The following HERPUD2 variants were observed in gnomAD, a reference collection of about 807,000 sequenced individuals.
HERPUD2 encodes the protein HERPUD family member 2.
A neutral mutation model predicts 49.9 loss-of-function variants in HERPUD2; 13 were observed. The ratio of observed to expected loss-of-function variants is 0.26; its 90% CI spans 0.17 to 0.41. The LOEUF (loss-of-function observed/expected upper bound fraction) is 0.41. Among genes scored for constraint, HERPUD2 ranks in the 10% least tolerant of loss-of-function variants. The pLI is 1.00. For synonymous variants in HERPUD2, 172 were observed against 171.4 expected (o/e 1.00, Z -0.03); for missense variants, 449 against 492.2 (o/e 0.91, Z 0.83).
chr7:35,666,340 CTATA>C (rs1378631649), intron 5 of HERPUD2, among the ~76,000 whole-genome samples: 1 of 152,182 alleles, frequency 6.6e-6, no homozygotes, highest in Admixed American at 6.5e-5. Flanking sequence ...CTTCTATTTG[CTATA>C]TATTCAGCTT....
intron 5 of HERPUD2, among the ~76,000 whole-genome samples, chr7:35,643,810 T>G (rs1440414373): frequency 6.8e-6 from 1 of 148,006 alleles, no homozygotes; most frequent in Non-Finnish European, 1.5e-5. Context: ...AAAACTAAAC[T>G]AAAAAGAAAA....
chr7:35,660,948 T>C (rs1184560165), intron 5 of HERPUD2, among the ~76,000 whole-genome samples: 1 of 152,256 alleles, frequency 6.6e-6, no homozygotes, highest in Non-Finnish European at 1.5e-5. Flanking sequence ...CATGAAGTCC[T>C]TGCCCATGCC....
intron 5 of HERPUD2, among the ~76,000 whole-genome samples, chr7:35,664,600 T>C (rs1025301148): frequency 2.2e-4 from 34 of 152,198 alleles, no homozygotes; most frequent in Admixed American, 1.8e-3. Context: ...TTTTTACTCT[T>C]TTTTCTCTAA....
At chr7:35,636,979 C>A (rs1784879758) in intron 6 of HERPUD2, among the ~76,000 whole-genome samples, 1 of 152,006 alleles carries the variant, frequency 6.6e-6, no homozygotes, top group South Asian at 2.1e-4. Flanking sequence ...ACTAAAAATA[C>A]AAAAATTACC....
intron 6 of HERPUD2, 124 bp from the exon 7 acceptor site, chr7:35,635,582 G>A: frequency 1.3e-6 from 1 of 766,140 alleles, no homozygotes; most frequent in Non-Finnish European, 2.0e-6. Context: ...CCCAACTCCT[G>A]CACCACATTT....
chr7:35,678,671 C>A (rs530776846), intron 2 of HERPUD2, among the ~76,000 whole-genome samples: 4 of 152,034 alleles, frequency 2.6e-5, no homozygotes, highest in South Asian at 2.1e-4. Context: ...GCCTTCTCTA[C>A]GAGAAAAAAT....
chr7:35,684,362 C>T (rs1299402271), intron 2 of HERPUD2, among the ~76,000 whole-genome samples: 4 of 151,774 alleles, frequency 2.6e-5, no homozygotes, highest in Non-Finnish European at 5.9e-5. Context: ...TGCACTCCAG[C>T]CTGGGTGATG....
chr7:35,657,224 G>C (rs867376038), intron 5 of HERPUD2, among the ~76,000 whole-genome samples: 3 of 152,104 alleles, frequency 2.0e-5, no homozygotes, highest in African/African-American at 7.2e-5. Context: ...TATTTCTCAA[G>C]GAAGACATAC....
chr7:35,656,328 G>T (rs1300920839), intron 5 of HERPUD2, among the ~76,000 whole-genome samples: 1 of 151,790 alleles, frequency 6.6e-6, no homozygotes, highest in African/African-American at 2.4e-5. Flanking sequence ...AAATTGAAGA[G>T]GATATAAACA....
chr7:35,681,658 A>G (rs1785894460), intron 2 of HERPUD2, among the ~76,000 whole-genome samples: 1 of 152,216 alleles, frequency 6.6e-6, no homozygotes, highest in South Asian at 2.1e-4. Context: ...AGCCACAAAA[A>G]GGAATGAAAT....
rs2116074416 is a variant in HERPUD2 at position 35,694,538 on chromosome 7, T to C, written c.-208A>G. 1.7e-6 allele frequency: 1 copy of C among 579,800 alleles called. No homozygotes were observed. Among genetic ancestry groups the C allele is most frequent in the Admixed American group, 3.0e-5 (1 of 33,426 alleles). 35.9% of individuals were successfully genotyped at this position (579,800 alleles called of 1,614,324 possible). ...TGGTGGCGACTGCGACGGTGGGGTC[T>C]GGGTGCCCGGCCGTGGAGGCAGCTC... On this transcript the variant is annotated 5_prime_UTR_variant, in exon 2 of 9. Transcript: ENST00000311350.
At chr7:35,686,609 C>T (rs905859715) in intron 2 of HERPUD2, among the ~76,000 whole-genome samples, 1 of 124,904 alleles carries the variant, frequency 8.0e-6, no homozygotes, top group African/African-American at 3.0e-5. Flanking sequence ...GTCCCAGCTA[C>T]TTGGGAGGCT....
chr7:35,672,200 T>C (rs1168206701), intron 3 of HERPUD2, among the ~76,000 whole-genome samples: 3 of 151,236 alleles, frequency 2.0e-5, no homozygotes, highest in East Asian at 1.9e-4. Context: ...GGTCAGAGAA[T>C]GTAAGAGAAA....
chr7:35,633,558 G>A lies in HERPUD2; in HGVS notation c.*132C>T, dbSNP rs1784819998. The stretch of plus-strand genomic sequence containing the variant: ...GTGCTTAAAATATTCATATGCATGA[G>A]AAGCCTAAAGAAAAAAAACACCTCT... On this transcript the variant is annotated 3_prime_UTR_variant, in exon 9 of 9. Transcript: ENST00000311350. 5.2e-6 allele frequency: 3 copies of A among 578,656 alleles called. No individual in the cohort carries two copies. The highest frequency in any genetic ancestry group is 3.2e-5 in the East Asian group (1 of 31,616). The allele number at this position is 578,656 out of a possible 1,614,324, so 35.8% of individuals were successfully genotyped here.
Position 35,692,381 on chromosome 7 carries a change from T to C in HERPUD2, c.147+1803A>G, listed in dbSNP as rs114119380. 3.8e-3 allele frequency among the ~76,000 whole-genome samples: 585 copies of C among 152,330 alleles called. 4 individuals are homozygous for C. Among genetic ancestry groups the C allele is most frequent in the African/African-American group, 0.013 (553 of 41,566 alleles). ...GGTCCCTTTTGGTTTAATAGTACAATGTAAAGATCTCGCCTACGTACATAC... is the reference window on the plus strand; with the variant it reads ...GGTCCCTTTTGGTTTAATAGTACAACGTAAAGATCTCGCCTACGTACATAC... On this transcript the variant is annotated intron_variant, in intron 2 of 8. Coordinates refer to ENST00000311350, the MANE Select transcript of HERPUD2 (RefSeq NM_022373.5).
chr7:35,686,407 T>G (rs1273139900), intron 2 of HERPUD2, among the ~76,000 whole-genome samples: 1 of 149,718 alleles, frequency 6.7e-6, no homozygotes, highest in African/African-American at 2.5e-5. Flanking sequence ...CAGCATGGTC[T>G]CGATCTCCTG....
intron 5 of HERPUD2, among the ~76,000 whole-genome samples, chr7:35,660,556 T>A (rs1785392177): frequency 6.6e-6 from 1 of 152,228 alleles, no homozygotes; most frequent in Non-Finnish European, 1.5e-5. Context: ...CCTGACTTTT[T>A]AATGATCGCC....
At chr7:35,656,294 A>C (rs2115900986) in intron 5 of HERPUD2, among the ~76,000 whole-genome samples, 1 of 152,320 alleles carries the variant, frequency 6.6e-6, no homozygotes, top group Non-Finnish European at 1.5e-5. Context: ...CTCTATAAGG[A>C]AAACTATAAA....
chr7:35,635,752 T>A (rs753092775), intron 6 of HERPUD2, among the ~76,000 whole-genome samples: 4 of 152,154 alleles, frequency 2.6e-5, no homozygotes, highest in Admixed American at 6.5e-5. Flanking sequence ...TTCAATAAAT[T>A]ACCTTAACAG....
Sources: allele counts gnomAD v4.1 joint callset (sites outside exome capture counted in the v4.1 genomes callset), GRCh38; gene constraint gnomAD v4.1.1; transcripts MANE v1.5; gene names NCBI Gene and HGNC (gene_info 2026-07-23, HGNC 2026-07-21).